Variants in VWA3B observed in about 807,000 individuals in gnomAD.
VWA3B encodes the protein von Willebrand factor A domain-containing protein 3B.
A neutral mutation model predicts 158.3 loss-of-function variants in VWA3B; 138 were observed. That is an observed-to-expected ratio of 0.87 (90% CI 0.76 to 1.00). The LOEUF (loss-of-function observed/expected upper bound fraction) is 1.00. VWA3B is among the 50% of genes least tolerant of loss of function. The pLI is 0.00. For synonymous variants in VWA3B, 596 were observed against 587.3 expected (o/e 1.01, Z -0.21); for missense variants, 1,555 against 1,565.1 (o/e 0.99, Z 0.11).
intron 2 of VWA3B, among the ~76,000 whole-genome samples, chr2:98,094,457 C>G (rs1388546260): frequency 6.6e-6 from 1 of 152,056 alleles, no homozygotes; most frequent in Non-Finnish European, 1.5e-5. Flanking sequence ...CTATTCAGGA[C>G]TTTTGTCCAT....
chr2:98,161,637 A>G (rs1284097654), intron 7 of VWA3B, among the ~76,000 whole-genome samples: 1 of 152,216 alleles, frequency 6.6e-6, no homozygotes, highest in Non-Finnish European at 1.5e-5. Flanking sequence ...GGCAGTGGTA[A>G]TAAGTGATAC....
intron 7 of VWA3B, among the ~76,000 whole-genome samples, chr2:98,138,972 C>T (rs962742838): frequency 3.9e-5 from 6 of 152,340 alleles, no homozygotes; most frequent in Admixed American, 6.5e-5. Context: ...AGGCCGGAGT[C>T]GGCTCCCTCA....
In VWA3B at chr2:98,248,875, CTTT is replaced by C. The variant is rs1558724559; in HGVS notation, c.2674-1442_2674-1440del. On this transcript the variant is annotated intron_variant, in intron 19 of 27. Coordinates refer to ENST00000477737, the MANE Select transcript of VWA3B (RefSeq NM_144992.5). ...TCTTTCTTTCTTTCTTTCTTTCTTT[CTTT>C]CTTTCTCTCTTTCCTTTCTTTCTTC... Among the ~76,000 whole-genome samples the C allele has an allele frequency of 3.8e-3, 175 of 46,336 alleles. 2 individuals are homozygous for C. The highest frequency in any genetic ancestry group is 6.3e-3 in the Non-Finnish European group (135 of 21,348). The allele number at this position is 46,336 out of a possible 152,430, so 30.4% of individuals were successfully genotyped here.
In VWA3B at chr2:98,297,950, C is replaced by A; in HGVS notation, c.3201C>A (p.Gly1067=). ...KCVSRTQALV[G]FSYGDTKVVS... ...TGAGCCGCACCCAAGCACTGGTGGG[C>A]TTCAGTTACGGAGACACCAAGGTCG... The change falls in exon 24 of 28, where the codon GGC becomes GGA. Residue 1067 remains glycine, a synonymous_variant. Coordinates refer to ENST00000477737, the MANE Select transcript of VWA3B (RefSeq NM_144992.5). 6.3e-7 allele frequency: 1 copy of A among 1,585,878 alleles called. No individual in the cohort carries two copies. Among genetic ancestry groups the A allele is most frequent in the Non-Finnish European group, 8.6e-7 (1 of 1,165,876 alleles).
Position 98,133,610 on chromosome 2 carries a change from T to C in VWA3B, c.873-214T>C, listed in dbSNP as rs1676034253. Reference sequence around the variant, plus strand: ...CTCTAATGAAAGGATGAGTTGTCGGTTAAAATCCCACATCATTCACAATTC... The same window carrying C: ...CTCTAATGAAAGGATGAGTTGTCGGCTAAAATCCCACATCATTCACAATTC... On this transcript the variant is annotated intron_variant, in intron 6 of 27. Coordinates refer to ENST00000477737, the MANE Select transcript of VWA3B (RefSeq NM_144992.5). 7.6e-6 allele frequency: 4 copies of C among 523,234 alleles called. No homozygotes were observed. In the South Asian group the frequency reaches 1.3e-4, roughly 16 times the overall value. The allele number at this position is 523,234 out of a possible 1,614,324, so 32.4% of individuals were successfully genotyped here.
chr2:98,324,085 A>G, the VWA3B span, among the ~76,000 whole-genome samples: 1 of 152,228 alleles, frequency 6.6e-6, no homozygotes, highest in Non-Finnish European at 1.5e-5. Context: ...CTCTTAGAGT[A>G]TACAGAGAGA....
At position 98,228,292 on chromosome 2, in the gene VWA3B, A is replaced by G. The variant is rs1489713885; in HGVS notation, c.2110A>G (p.Met704Val). ...AGACCTTTATTCTGAGTCCTTGATC[A>G]TGGACTGGTGGTACAATGCAGAAAA... is the stretch of plus-strand genomic sequence containing the variant. The part of the protein sequence containing the change: ...MQDLYSESLI[M>V]DWWYNAEKDG... Residue 704 changes from methionine (M) to valine (V), a missense_variant, in exon 15 of 28, where the codon ATG (methionine) becomes GTG (valine). Met to Val is a conservative substitution (Grantham distance 21). Transcript: ENST00000477737. The G allele has an allele frequency of 4.3e-6, 7 of 1,613,970 alleles. No homozygotes were observed. The Admixed American group carries it at 5.0e-5, about 12-fold the overall frequency.
chr2:98,135,918 G>A (rs991012818), intron 7 of VWA3B, among the ~76,000 whole-genome samples: 10 of 152,244 alleles, frequency 6.6e-5, no homozygotes, highest in East Asian at 3.9e-4. Context: ...ATCTCTCTCC[G>A]TTGCCACATC....
At chr2:98,229,490 T>C (rs1574142442) in intron 15 of VWA3B, among the ~76,000 whole-genome samples, 1 of 152,228 alleles carries the variant, frequency 6.6e-6, no homozygotes, top group Non-Finnish European at 1.5e-5. Context: ...TCAGAGAAGG[T>C]CATATCTGGG....
rs74265073 is a variant in VWA3B, at chr2:98,268,679, CTT to C, written c.2844-1991_2844-1990del. 8.8e-3 allele frequency among the ~76,000 whole-genome samples: 1,231 copies of C among 139,264 alleles called. 14 individuals are homozygous for C. The highest frequency in any genetic ancestry group is 0.026 in the African/African-American group (1,001 of 37,870). 91.4% of individuals were successfully genotyped at this position (139,264 alleles called of 152,430 possible). A position where few individuals can be genotyped will look rare whatever the true frequency, so the allele number is the denominator to read the frequency against. Reference sequence around the variant, plus strand: ...TCAGGTAATTAATATATCTCCATTCCTTTTTTTTTTTTTGCTTTGTAATTAGT... The same window carrying C: ...TCAGGTAATTAATATATCTCCATTCCTTTTTTTTTTTGCTTTGTAATTAGT... On this transcript the variant is annotated intron_variant, in intron 21 of 27. Coordinates refer to ENST00000477737, the MANE Select transcript of VWA3B (RefSeq NM_144992.5).
At chr2:98,092,260 T>C (rs1682355079) in intron 1 of VWA3B, among the ~76,000 whole-genome samples, 1 of 152,192 alleles carries the variant, frequency 6.6e-6, no homozygotes, top group African/African-American at 2.4e-5. Flanking sequence ...TCAGGTGTGA[T>C]TGTTATTGGA....
intron 16 of VWA3B, 48 bp downstream of exon 16, chr2:98,230,255 G>C (rs761976212): frequency 2.1e-6 from 3 of 1,458,896 alleles, no homozygotes; most frequent in Non-Finnish European, 2.7e-6. Flanking sequence ...TCTCTTCAAG[G>C]CAAGAAGATA....
rs531695251 is a variant in VWA3B at position 98,123,447 on chromosome 2, C to T, written c.702+1989C>T. On this transcript the variant is annotated intron_variant, in intron 5 of 27. Coordinates refer to ENST00000477737, the MANE Select transcript of VWA3B (RefSeq NM_144992.5). ...GAGAAGGAAGATGCCCAGAGAGGCT[C>T]CTGGCCCCCTCCAGGCACAGGCTTT... 3.2e-4 allele frequency among the ~76,000 whole-genome samples: 48 copies of T among 152,316 alleles called. 1 individual carries two copies. Among genetic ancestry groups the T allele is most frequent in the African/African-American group, 1.1e-3 (44 of 41,554 alleles).
intron 8 of VWA3B, among the ~76,000 whole-genome samples, chr2:98,177,285 CT>C (rs1680091932): frequency 6.6e-6 from 1 of 152,180 alleles, no homozygotes; most frequent in Non-Finnish European, 1.5e-5. Context: ...GATGTGCTCC[CT>C]TCTCATAACA....
chr2:98,237,783 A>G (rs1391401780), intron 19 of VWA3B, among the ~76,000 whole-genome samples: 1 of 152,210 alleles, frequency 6.6e-6, no homozygotes, highest in African/African-American at 2.4e-5. Flanking sequence ...ATATCCTTAA[A>G]AGACCTGTCT....
intron 9 of VWA3B, among the ~76,000 whole-genome samples, chr2:98,185,064 C>A (rs1680899869): frequency 6.6e-6 from 1 of 152,206 alleles, no homozygotes; most frequent in Non-Finnish European, 1.5e-5. Context: ...GACTTCCTCC[C>A]CAACTCCATC....
At chr2:98,092,150 G>A (rs1682341357) in intron 1 of VWA3B, among the ~76,000 whole-genome samples, 1 of 152,156 alleles carries the variant, frequency 6.6e-6, no homozygotes, top group South Asian at 2.1e-4. Context: ...CTGTGGTCTG[G>A]TTCCCAACCG....
At chr2:98,192,626 G>A (rs1410932325) in intron 10 of VWA3B, among the ~76,000 whole-genome samples, 1 of 152,144 alleles carries the variant, frequency 6.6e-6, no homozygotes, top group Admixed American at 6.5e-5. Context: ...TGGGCCCAGA[G>A]GCCTGACAGC....
chr2:98,322,122 G>A, the VWA3B span, among the ~76,000 whole-genome samples: 9 of 152,286 alleles, frequency 5.9e-5, no homozygotes, highest in African/African-American at 2.2e-4. Context: ...GTGGAACTGT[G>A]AGTCCATTAC....
Sources: allele counts gnomAD v4.1 joint callset (sites outside exome capture counted in the v4.1 genomes callset), GRCh38; gene constraint gnomAD v4.1.1; transcripts MANE v1.5; gene names NCBI Gene and HGNC (gene_info 2026-07-23, HGNC 2026-07-21).